The following PDE4D variants were observed in gnomAD, a reference collection of about 807,000 sequenced individuals.
PDE4D encodes 3',5'-cyclic-AMP phosphodiesterase 4D.
In PDE4D, 24 loss-of-function variants were observed where a neutral mutation model predicts 87.4. The ratio of observed to expected loss-of-function variants is 0.27; its 90% CI spans 0.20 to 0.39. The LOEUF is 0.39. PDE4D is among the 10% of genes least tolerant of loss of function. The pLI, the probability that PDE4D is intolerant of heterozygous loss-of-function variation, is 1.00. For missense variants in PDE4D, 714 were observed against 1,041.0 expected, an observed-to-expected ratio of 0.69 and a Z score of 4.32; for synonymous variants, 384 against 383.2, an observed-to-expected ratio of 1.00 and a Z score of -0.02.
intron 1 of PDE4D, among the ~76,000 whole-genome samples, chr5:59,821,684 C>T (rs1271047950): frequency 6.6e-6 from 1 of 152,164 alleles, no homozygotes; most frequent in Non-Finnish European, 1.5e-5. Flanking sequence ...TTAACTTCAT[C>T]ATTTCTATCC....
At position 59,906,444 on chromosome 5, in the gene PDE4D, T is replaced by C. The variant is rs190014583; in HGVS notation, c.272+82044A>G. On this transcript the variant is annotated intron_variant, in intron 3 of 16. Coordinates refer to the PDE4D transcript ENST00000502484. ...AACAGGGTCAGGCAAACTGTGGCTATTAGACAAATTCAGCTCGCTATCTGT... is the reference window on the plus strand; with the variant it reads ...AACAGGGTCAGGCAAACTGTGGCTACTAGACAAATTCAGCTCGCTATCTGT... 1.6e-4 allele frequency among the ~76,000 whole-genome samples: 25 copies of C among 152,286 alleles called. No individual in the cohort carries two copies. In the East Asian group the frequency reaches 3.1e-3, roughly 19 times the overall value.
intron 1 of PDE4D, among the ~76,000 whole-genome samples, chr5:59,880,251 A>G (rs1749242494): frequency 6.6e-6 from 1 of 151,984 alleles, no homozygotes; most frequent in Non-Finnish European, 1.5e-5. Context: ...GACCAATCAG[A>G]GGTGCACGCC....
intron 1 of PDE4D, chr5:60,487,627 A>T (rs1405968149): frequency 6.6e-6 from 1 of 152,170 alleles, no homozygotes; most frequent in Non-Finnish European, 1.5e-5. Context: ...CTAAGCTTTG[A>T]TCCCAGCATC....
intron 1 of PDE4D, among the ~76,000 whole-genome samples, chr5:59,781,951 C>T (rs1463640456): frequency 6.6e-6 from 1 of 151,992 alleles, no homozygotes; most frequent in Non-Finnish European, 1.5e-5. Context: ...TACAGTGTTT[C>T]CATCATACAG....
chr5:59,983,477 C>A (rs1336841509), intron 3 of PDE4D, among the ~76,000 whole-genome samples: 1 of 151,916 alleles, frequency 6.6e-6, no homozygotes, highest in Non-Finnish European at 1.5e-5. Flanking sequence ...ACATGTCTAA[C>A]AAAATACTCA....
At chr5:59,138,575 A>T (rs896833944) in intron 5 of PDE4D, among the ~76,000 whole-genome samples, 1 of 152,146 alleles carries the variant, frequency 6.6e-6, no homozygotes, top group Non-Finnish European at 1.5e-5. Context: ...CAGAAAGACA[A>T]CTTCATTTGA....
chr5:59,374,372 G>T (rs1360862648), intron 1 of PDE4D, among the ~76,000 whole-genome samples: 1 of 152,102 alleles, frequency 6.6e-6, no homozygotes, highest in Non-Finnish European at 1.5e-5. Context: ...AGCAGGGGTT[G>T]CAATCCTAGT....
At chr5:59,233,205 C>T (rs1327527393) in intron 1 of PDE4D, among the ~76,000 whole-genome samples, 2 of 151,940 alleles carry the variant, frequency 1.3e-5, no homozygotes, top group Admixed American at 6.6e-5. Flanking sequence ...ATGATAAATG[C>T]CCAAGGTGCT....
At chr5:59,307,833 C>T (rs1316443239) in intron 1 of PDE4D, among the ~76,000 whole-genome samples, 1 of 152,064 alleles carries the variant, frequency 6.6e-6, no homozygotes, top group Non-Finnish European at 1.5e-5. Context: ...ACTAGAAATA[C>T]CATTTGACCC....
chr5:59,195,309 C>G (rs1162671567), intron 2 of PDE4D, among the ~76,000 whole-genome samples: 1 of 152,176 alleles, frequency 6.6e-6, no homozygotes, highest in Non-Finnish European at 1.5e-5. Flanking sequence ...CAGAAAGGCT[C>G]TTTCCTAGAA....
At chr5:59,683,417 A>G (rs1350318072) in intron 1 of PDE4D, among the ~76,000 whole-genome samples, 1 of 152,240 alleles carries the variant, frequency 6.6e-6, no homozygotes, top group Non-Finnish European at 1.5e-5. Context: ...TATTAACTTT[A>G]TGGCTTATAG....
Position 59,016,973 on chromosome 5 carries a change from T to C in PDE4D, c.921+21886A>G, listed in dbSNP as rs186104670. 2.3e-3 allele frequency among the ~76,000 whole-genome samples: 357 copies of C among 152,186 alleles called. 1 individual carries two copies. Among genetic ancestry groups the C allele is most frequent in the Non-Finnish European group, 3.4e-3 (233 of 68,002 alleles). On this transcript the variant is annotated intron_variant, in intron 6 of 14. Transcript: ENST00000340635. ...AACATCGTACATTGATGGGGGACTA[T>C]AAAATTAAGTAGTAAGGAAAAGCTG...
At chr5:60,161,086 G>A (rs1303841342) in intron 2 of PDE4D, among the ~76,000 whole-genome samples, 2 of 152,238 alleles carry the variant, frequency 1.3e-5, no homozygotes, top group East Asian at 3.9e-4. Context: ...AGAAGGAGAA[G>A]GAAATAGTTA....
In PDE4D at chr5:59,483,775, C is replaced by T. The variant is rs190267318; in HGVS notation, c.456-267807G>A. ...AAGGCTGGATGTCTGGCAACAGTGG[C>T]CTCTATCCACACAGTGCTCAGGATG... On this transcript the variant is annotated intron_variant, in intron 1 of 14. Transcript: ENST00000340635. 2.3e-3 allele frequency among the ~76,000 whole-genome samples: 349 copies of T among 152,258 alleles called. 5 individuals are homozygous for T. The highest frequency in any genetic ancestry group is 1.5e-3 in the Non-Finnish European group (105 of 68,008).
chr5:60,520,173 G>C (rs1750972707), intron 1 of PDE4D, among the ~76,000 whole-genome samples: 1 of 151,978 alleles, frequency 6.6e-6, no homozygotes, highest in African/African-American at 2.4e-5. Flanking sequence ...CCCTGTTATG[G>C]GGACTACACC....
At chr5:59,573,104 C>A (rs1250740332) in intron 1 of PDE4D, among the ~76,000 whole-genome samples, 1 of 152,166 alleles carries the variant, frequency 6.6e-6, no homozygotes, top group Non-Finnish European at 1.5e-5. Context: ...TTAGTGAGAA[C>A]TTTACATTCC....
intron 2 of PDE4D, among the ~76,000 whole-genome samples, chr5:60,086,288 T>C (rs535155315): frequency 2.0e-5 from 3 of 152,326 alleles, no homozygotes; most frequent in African/African-American, 7.2e-5. Context: ...TTAGGCTTTC[T>C]GATATAAAAT....
chr5:59,356,411 T>C (rs1325694081), intron 1 of PDE4D, among the ~76,000 whole-genome samples: 1 of 152,218 alleles, frequency 6.6e-6, no homozygotes, highest in Non-Finnish European at 1.5e-5. Flanking sequence ...TAGTGTTTTT[T>C]TTGTTGGTCA....
At chr5:59,890,760 T>A (rs1341814935) in intron 1 of PDE4D, among the ~76,000 whole-genome samples, 1 of 152,232 alleles carries the variant, frequency 6.6e-6, no homozygotes, top group East Asian at 1.9e-4. Context: ...TGCTCGCATC[T>A]TCTGGGGCTC....
Sources: gnomAD v4.1 joint callset for allele counts (sites outside exome capture counted in the v4.1 genomes callset) on GRCh38, gnomAD v4.1.1 for gene constraint, MANE v1.5 for transcripts, NCBI Gene and HGNC (gene_info 2026-07-23, HGNC 2026-07-21) for gene names.